SLC71A1: variants seen among roughly 807,000 people sequenced by gnomAD.
The protein encoded by SLC71A1 is hippocampus abundant gene transcript 1.
the SLC71A1 span, chr1:100,080,641 T>G: frequency 6.2e-7 from 1 of 1,613,938 alleles, no homozygotes; most frequent in East Asian, 2.2e-5. Context: ...ACACAAGCCC[T>G]CAGCACCACT....
the SLC71A1 span, chr1:100,077,138 T>G: frequency 1.9e-5 from 21 of 1,078,930 alleles, no homozygotes; most frequent in Non-Finnish European, 1.9e-5. Context: ...AACTTTATTC[T>G]GATAAATCTT....
the SLC71A1 span, among the ~76,000 whole-genome samples, chr1:100,072,317 C>T: frequency 6.6e-6 from 1 of 152,130 alleles, no homozygotes; most frequent in Non-Finnish European, 1.5e-5. Flanking sequence ...GCTTTTGTTC[C>T]TGCTATTCTT....
chr1:100,051,333 G>A, the SLC71A1 span, among the ~76,000 whole-genome samples: 1 of 152,116 alleles, frequency 6.6e-6, no homozygotes, highest in East Asian at 1.9e-4. Flanking sequence ...GGAGGTTGCA[G>A]TGAGCCGAGA....
At chr1:100,080,517 C>G in the SLC71A1 span, 2 of 1,613,378 alleles carry the variant, frequency 1.2e-6, no homozygotes, top group Non-Finnish European at 1.7e-6. Flanking sequence ...GGAATGATAA[C>G]AGGAATTCGA....
At chr1:100,072,546 T>C in the SLC71A1 span, among the ~76,000 whole-genome samples, 1 of 151,034 alleles carries the variant, frequency 6.6e-6, no homozygotes, top group Non-Finnish European at 1.5e-5. Context: ...CAGGAGGTGC[T>C]AAACTAAAGG....
At chr1:100,045,913 A>C in the SLC71A1 span, among the ~76,000 whole-genome samples, 1 of 152,168 alleles carries the variant, frequency 6.6e-6, no homozygotes, top group Non-Finnish European at 1.5e-5. Flanking sequence ...TTTAGATTTA[A>C]GTCTTTAATC....
At chr1:100,082,736 CTT>C in the SLC71A1 span, 1 of 152,422 alleles carries the variant, frequency 6.6e-6, no homozygotes, top group East Asian at 1.9e-4. Flanking sequence ...AAAAAAAACT[CTT>C]AAGAAAACTG....
chr1:100,039,623 GCTCTTTTGACCAA>G, the SLC71A1 span, among the ~76,000 whole-genome samples: 1 of 152,146 alleles, frequency 6.6e-6, no homozygotes, highest in African/African-American at 2.4e-5. Context: ...AAGAGTCATA[GCTCTTTTGACCAA>G]GTAGGTAAGA....
the SLC71A1 span, among the ~76,000 whole-genome samples, chr1:100,072,379 C>T: frequency 6.6e-6 from 1 of 152,164 alleles, no homozygotes; most frequent in African/African-American, 2.4e-5. Context: ...TCCCCATGCT[C>T]ATGTGCGCAT....
chr1:100,071,420 A>ACAGTTGT, the SLC71A1 span, among the ~76,000 whole-genome samples: 1 of 151,836 alleles, frequency 6.6e-6, no homozygotes, highest in Middle Eastern at 3.2e-3. Context: ...GCAGTGAGCC[A>ACAGTTGT]CAGTTGTCCC....
At chr1:100,071,925 A>G in the SLC71A1 span, among the ~76,000 whole-genome samples, 1 of 152,232 alleles carries the variant, frequency 6.6e-6, no homozygotes, top group African/African-American at 2.4e-5. Context: ...TGGAAAGATC[A>G]GTGCAGCAGC....
At chr1:100,040,646 G>T in the SLC71A1 span, among the ~76,000 whole-genome samples, 1 of 152,084 alleles carries the variant, frequency 6.6e-6, no homozygotes. Flanking sequence ...ATTTTCAGTA[G>T]AGACAAAGTT....
At chr1:100,080,681 C>G in the SLC71A1 span, 1 of 1,602,634 alleles carries the variant, frequency 6.2e-7, no homozygotes, top group Non-Finnish European at 8.5e-7. Flanking sequence ...TCAACATGAT[C>G]AAATTGTATG....
the SLC71A1 span, among the ~76,000 whole-genome samples, chr1:100,040,932 T>G: frequency 6.6e-6 from 1 of 152,190 alleles, no homozygotes; most frequent in Non-Finnish European, 1.5e-5. Flanking sequence ...TGTCTGAGGC[T>G]CTATGGTCGG....
the SLC71A1 span, among the ~76,000 whole-genome samples, chr1:100,071,081 C>T: frequency 6.6e-6 from 1 of 152,026 alleles, no homozygotes; most frequent in Non-Finnish European, 1.5e-5. Flanking sequence ...TTTAAATATT[C>T]ATTCCTAGCC....
chr1:100,048,218 G>A, the SLC71A1 span, among the ~76,000 whole-genome samples: 3 of 148,950 alleles, frequency 2.0e-5, no homozygotes, highest in African/African-American at 7.5e-5. Flanking sequence ...AGTCTCTGTC[G>A]CCCAGGCTGG....
chr1:100,042,254 C>CTAA, the SLC71A1 span, among the ~76,000 whole-genome samples: 1 of 152,110 alleles, frequency 6.6e-6, no homozygotes, highest in Non-Finnish European at 1.5e-5. Context: ...GGTAAAATGA[C>CTAA]TTTAAAGATT....
At chr1:100,049,936 T>C in the SLC71A1 span, 1 of 1,608,456 alleles carries the variant, frequency 6.2e-7, no homozygotes, top group Non-Finnish European at 8.5e-7. Flanking sequence ...TCCTAGTGTC[T>C]ATCATGCAGT....
At chr1:100,074,182 C>T in the SLC71A1 span, among the ~76,000 whole-genome samples, 1 of 152,168 alleles carries the variant, frequency 6.6e-6, no homozygotes, top group Non-Finnish European at 1.5e-5. Flanking sequence ...AGCAGTGGGC[C>T]TGCTGCAGTA....
Sources: gnomAD v4.1 joint callset for allele counts (sites outside exome capture counted in the v4.1 genomes callset) on GRCh38, gnomAD v4.1.1 for gene constraint, MANE v1.5 for transcripts, NCBI Gene and HGNC (gene_info 2026-07-23, HGNC 2026-07-21) for gene names.